Variants in PPP6R3 observed in about 807,000 individuals in gnomAD.
PPP6R3 encodes the protein protein phosphatase 6 regulatory subunit 3.
Under a neutral mutation model 110.7 loss-of-function variants are expected in PPP6R3, and 38 were observed. The ratio of observed to expected loss-of-function variants is 0.34; its 90% CI spans 0.26 to 0.45. The LOEUF is 0.45. Among genes scored for constraint, PPP6R3 ranks in the 20% least tolerant of loss-of-function variants. The pLI is 1.00. For synonymous variants in PPP6R3, 369 were observed against 373.5 expected, an observed-to-expected ratio of 0.99 and a Z score of 0.14; for missense variants, 870 against 1,062.4, an observed-to-expected ratio of 0.82 and a Z score of 2.52.
chr11:68,542,389 G>GTTTTGTTTTTT (rs1555132285), intron 3 of PPP6R3, among the ~76,000 whole-genome samples: 7 of 40,184 alleles, frequency 1.7e-4, no homozygotes, highest in Non-Finnish European at 1.2e-4. Context: ...AGAAGCTGCT[G>GTTTTGTTTTTT]TTTTTTTTTT....
At chr11:68,588,074 T>G in intron 16 of PPP6R3, 50 bp downstream of exon 16, 1 of 1,470,414 alleles carries the variant, frequency 6.8e-7, no homozygotes, top group Non-Finnish European at 9.5e-7. Flanking sequence ...CCCTTGCTCT[T>G]GGTAGATGTA....
At chr11:68,545,420 A>G (rs1441216312) in intron 4 of PPP6R3, among the ~76,000 whole-genome samples, 1 of 152,228 alleles carries the variant, frequency 6.6e-6, no homozygotes, top group Admixed American at 6.5e-5. Flanking sequence ...AGCTTAAACC[A>G]AAAACCTTTC....
intron 1 of PPP6R3, among the ~76,000 whole-genome samples, chr11:68,505,479 T>G (rs998017992): frequency 2.0e-5 from 3 of 151,722 alleles, no homozygotes; most frequent in African/African-American, 7.3e-5. Flanking sequence ...AAAATTGAAT[T>G]ATTGTTTTTT....
At chr11:68,523,144 G>C (rs1470638681) in intron 2 of PPP6R3, among the ~76,000 whole-genome samples, 1 of 152,060 alleles carries the variant, frequency 6.6e-6, no homozygotes, top group Non-Finnish European at 1.5e-5. Context: ...TGTATATTTT[G>C]GTTAATTATT....
intron 1 of PPP6R3, among the ~76,000 whole-genome samples, chr11:68,467,430 G>A (rs2098756315): frequency 6.6e-6 from 1 of 152,216 alleles, no homozygotes; most frequent in African/African-American, 2.4e-5. Flanking sequence ...GGACTAAAAC[G>A]GCTGCAGACT....
chr11:68,524,157 A>G (rs887516473), intron 2 of PPP6R3, among the ~76,000 whole-genome samples: 1 of 152,190 alleles, frequency 6.6e-6, no homozygotes, highest in Non-Finnish European at 1.5e-5. Context: ...CCTCCAATTG[A>G]GGGGCCTCTC....
intron 23 of PPP6R3, among the ~76,000 whole-genome samples, chr11:68,611,922 T>TAAAG (rs1555212450): frequency 6.6e-6 from 1 of 152,228 alleles, no homozygotes; most frequent in African/African-American, 2.4e-5. Context: ...CTGTCACACT[T>TAAAG]AAAGATCTGC....
intron 18 of PPP6R3, among the ~76,000 whole-genome samples, chr11:68,593,185 C>T (rs568773040): frequency 2.6e-4 from 38 of 145,216 alleles, no homozygotes; most frequent in East Asian, 1.8e-3. Flanking sequence ...TAATACCTTC[C>T]TCTTTCCTGT....
At chr11:68,487,431 A>G (rs1204124820) in intron 1 of PPP6R3, among the ~76,000 whole-genome samples, 1 of 152,040 alleles carries the variant, frequency 6.6e-6, no homozygotes, top group Admixed American at 6.6e-5. Flanking sequence ...TAGCCGGGGC[A>G]TGGTGGCACA....
rs1944414322 is a variant in PPP6R3, at chr11:68,613,133, G to C, written c.*16G>C. ...CCCTGTATGACGGGTGACGTCTGCT[G>C]CTGCTGACTGAGGACTGCAGACCGC... On this transcript the variant is annotated 3_prime_UTR_variant, in exon 24 of 24. Coordinates refer to ENST00000393800, the MANE Select transcript of PPP6R3 (RefSeq NM_001164161.2). 6.2e-7 allele frequency: 1 copy of C among 1,613,844 alleles called. No homozygotes were observed. The highest frequency in any genetic ancestry group is 8.5e-7 in the Non-Finnish European group (1 of 1,179,992).
chr11:68,605,173 C>T (rs139438563), intron 22 of PPP6R3, among the ~76,000 whole-genome samples: 95 of 152,240 alleles, frequency 6.2e-4, no homozygotes, highest in African/African-American at 2.2e-3. Flanking sequence ...AATCCTGTCT[C>T]TGCAAAAAAT....
chr11:68,602,730 C>T (rs1349282747), intron 21 of PPP6R3, among the ~76,000 whole-genome samples: 1 of 152,178 alleles, frequency 6.6e-6, no homozygotes, highest in Non-Finnish European at 1.5e-5. Flanking sequence ...TTTGACTCCT[C>T]AGTGGTTCTG....
At chr11:68,585,168 G>T (rs1385328958) in intron 15 of PPP6R3, among the ~76,000 whole-genome samples, 1 of 152,146 alleles carries the variant, frequency 6.6e-6, no homozygotes, top group African/African-American at 2.4e-5. Context: ...TCTCCCTTTA[G>T]CCTTGTCTGG....
intron 18 of PPP6R3, among the ~76,000 whole-genome samples, chr11:68,594,616 G>A (rs571873456): frequency 7.2e-5 from 11 of 152,284 alleles, no homozygotes; most frequent in African/African-American, 2.4e-4. Flanking sequence ...ATGTTTATAA[G>A]TAGGAAGACT....
intron 1 of PPP6R3, among the ~76,000 whole-genome samples, chr11:68,482,034 A>T (rs1182631279): frequency 6.6e-6 from 1 of 151,936 alleles, no homozygotes; most frequent in South Asian, 2.1e-4. Context: ...TGGGCAAATT[A>T]TCTCACCTTT....
chr11:68,573,152 A>ATATATATT (rs2099516651), intron 12 of PPP6R3, among the ~76,000 whole-genome samples: 1 of 83,606 alleles, frequency 1.2e-5, no homozygotes, highest in African/African-American at 4.1e-5. Flanking sequence ...ATATATATAT[A>ATATATATT]TAATTTTTTT....
chr11:68,474,732 T>G (rs2153276887), intron 1 of PPP6R3, among the ~76,000 whole-genome samples: 1 of 152,276 alleles, frequency 6.6e-6, no homozygotes, highest in South Asian at 2.1e-4. Context: ...TTTGGATGTT[T>G]TAATATTTAT....
At chr11:68,572,031 G>A (rs1310616241) in intron 12 of PPP6R3, among the ~76,000 whole-genome samples, 3 of 151,420 alleles carry the variant, frequency 2.0e-5, no homozygotes, top group South Asian at 2.1e-4. Flanking sequence ...TTTTTAAATC[G>A]TTTAATAAGC....
At chr11:68,530,970 G>T (rs1269692909) in intron 2 of PPP6R3, among the ~76,000 whole-genome samples, 1 of 152,122 alleles carries the variant, frequency 6.6e-6, no homozygotes, top group Non-Finnish European at 1.5e-5. Flanking sequence ...TTTCTTCAGG[G>T]TTCTAATAGT....
Sources: gnomAD v4.1 joint callset for allele counts (sites outside exome capture counted in the v4.1 genomes callset) on GRCh38, gnomAD v4.1.1 for gene constraint, MANE v1.5 for transcripts, NCBI Gene and HGNC (gene_info 2026-07-23, HGNC 2026-07-21) for gene names.